Variants in PHF21A observed in about 807,000 individuals in gnomAD.
PHF21A encodes BHC80a.
A neutral mutation model predicts 82.5 loss-of-function variants in PHF21A; 11 were observed. That is an observed-to-expected ratio of 0.13 (90% CI 0.08 to 0.22). The LOEUF (loss-of-function observed/expected upper bound fraction) is 0.22, where lower values mean the gene tolerates loss of function less well. Among genes scored for constraint, PHF21A ranks in the 10% least tolerant of loss-of-function variants. PHF21A has a pLI of 1.00. For missense variants in PHF21A, 579 were observed against 837.8 expected (o/e 0.69, Z 3.81); for synonymous variants, 297 against 302.8 (o/e 0.98, Z 0.20).
intron 1 of PHF21A, among the ~76,000 whole-genome samples, chr11:46,092,759 C>CTTTTTT (rs10681499): frequency 7.4e-6 from 1 of 135,634 alleles, no homozygotes; most frequent in Non-Finnish European, 1.5e-5. Context: ...TGTGTCTCAC[C>CTTTTTT]TTTTTTTTTT....
chr11:46,116,719 T>A (rs560281590), intron 1 of PHF21A: 1 of 152,358 alleles, frequency 6.6e-6, no homozygotes, highest in South Asian at 2.1e-4. Context: ...ATCCCAGCAC[T>A]TTGGGAGGCC....
At chr11:46,073,244 C>T (rs1373337985) in intron 6 of PHF21A, among the ~76,000 whole-genome samples, 3 of 151,380 alleles carry the variant, frequency 2.0e-5, no homozygotes, top group South Asian at 2.1e-4. Context: ...GGGAGAATGG[C>T]GTGAACCCAG....
chr11:46,089,327 G>A (rs2096895099), intron 3 of PHF21A, among the ~76,000 whole-genome samples: 1 of 152,008 alleles, frequency 6.6e-6, no homozygotes, highest in African/African-American at 2.4e-5. Flanking sequence ...TTTATTAGCA[G>A]TAGTGCTAAA....
intron 9 of PHF21A, 132 bp from the exon 10 acceptor site, chr11:45,965,740 T>G (rs2093397446): frequency 1.4e-6 from 1 of 717,342 alleles, no homozygotes; most frequent in Non-Finnish European, 2.2e-6. Flanking sequence ...ACATTAATTC[T>G]ATAGACCTCA....
Position 46,090,521 on chromosome 11 carries a change from T to A in PHF21A, c.-150A>T, listed in dbSNP as rs2096911636. The A allele has an allele frequency of 6.6e-6, 1 of 152,166 alleles. No homozygotes were observed. The highest frequency in any genetic ancestry group is 2.4e-5 in the African/African-American group (1 of 41,436). 9.4% of individuals were successfully genotyped at this position (152,166 alleles called of 1,614,324 possible). ...AATGCTGCATATCATATCCCCCTCT[T>A]GGAGATTCACAATGCACATTAGCAT... On this transcript the variant is annotated 5_prime_UTR_variant, in exon 3 of 19. Coordinates refer to ENST00000676320, the MANE Select transcript of PHF21A (RefSeq NM_001352027.3).
chr11:46,069,710 T>C (rs1420036993), intron 6 of PHF21A, among the ~76,000 whole-genome samples: 2 of 152,220 alleles, frequency 1.3e-5, no homozygotes, highest in Non-Finnish European at 1.5e-5. Flanking sequence ...GTATTGAATC[T>C]CATACTGATA....
intron 6 of PHF21A, among the ~76,000 whole-genome samples, chr11:46,070,198 C>T (rs540065645): frequency 3.9e-5 from 6 of 152,062 alleles, no homozygotes; most frequent in Non-Finnish European, 8.8e-5. Flanking sequence ...TTCCCAAAAG[C>T]TTCAGAATCT....
At chr11:45,957,026 A>G (rs2092691164) in intron 10 of PHF21A, among the ~76,000 whole-genome samples, 1 of 152,230 alleles carries the variant, frequency 6.6e-6, no homozygotes, top group South Asian at 2.1e-4. Flanking sequence ...AACTGTTACG[A>G]GAGACAAAGA....
chr11:46,116,209 ACTC>A (rs2136138206), intron 1 of PHF21A, among the ~76,000 whole-genome samples: 1 of 152,254 alleles, frequency 6.6e-6, no homozygotes, highest in East Asian at 1.9e-4. Flanking sequence ...ATTTCAGTGC[ACTC>A]CTCTAGATTT....
At chr11:46,031,754 A>C (rs148727925) in intron 6 of PHF21A, among the ~76,000 whole-genome samples, 2 of 152,302 alleles carry the variant, frequency 1.3e-5, no homozygotes, top group African/African-American at 4.8e-5. Context: ...TGTCTGGAAA[A>C]GAATGCAATA....
intron 3 of PHF21A, among the ~76,000 whole-genome samples, chr11:46,089,397 CATTT>C (rs2096896384): frequency 2.0e-5 from 3 of 151,992 alleles, no homozygotes; most frequent in Admixed American, 6.5e-5. Context: ...AAAACTTTAA[CATTT>C]ATTAACATGA....
intron 6 of PHF21A, among the ~76,000 whole-genome samples, chr11:46,027,804 C>T (rs2095782110): frequency 6.6e-6 from 1 of 152,170 alleles, no homozygotes; most frequent in Admixed American, 6.5e-5. Context: ...ATCCTGTTTT[C>T]AGCATATAAT....
chr11:46,057,619 A>C (rs189578708), intron 6 of PHF21A, among the ~76,000 whole-genome samples: 25 of 152,286 alleles, frequency 1.6e-4, no homozygotes, highest in Admixed American at 5.9e-4. Context: ...ACTCAAGCTG[A>C]AATAAGTAAA....
At chr11:45,948,381 G>A (rs1323651937) in intron 14 of PHF21A, among the ~76,000 whole-genome samples, 1 of 152,130 alleles carries the variant, frequency 6.6e-6, no homozygotes, top group Non-Finnish European at 1.5e-5. Context: ...TTCTTCCTTA[G>A]TTGGAGATGC....
chr11:45,985,339 AATTACAATCTAGAGTAAAATGTATGT>A (rs2094455413), intron 6 of PHF21A, among the ~76,000 whole-genome samples: 1 of 152,254 alleles, frequency 6.6e-6, no homozygotes, highest in Admixed American at 6.5e-5. Context: ...TTAGAGACAA[AATTACAATCTAGAGTAAAATGTATGT>A]ATTGTTTAAT....
chr11:45,995,399 G>A (rs2094869717), intron 6 of PHF21A, among the ~76,000 whole-genome samples: 1 of 152,148 alleles, frequency 6.6e-6, no homozygotes, highest in Admixed American at 6.5e-5. Context: ...TAACAGGAAG[G>A]AATCATTCTT....
intron 6 of PHF21A, among the ~76,000 whole-genome samples, chr11:46,034,225 C>G (rs535841710): frequency 7.9e-5 from 12 of 151,738 alleles, no homozygotes; most frequent in East Asian, 2.0e-4. Flanking sequence ...GCCCCCACCC[C>G]CCCCTTGCAT....
chr11:46,016,572 A>C (rs1009793999), intron 6 of PHF21A, among the ~76,000 whole-genome samples: 5 of 151,906 alleles, frequency 3.3e-5, no homozygotes, highest in African/African-American at 9.7e-5. Context: ...CTAATCCCCT[A>C]CTCAGGATTA....
intron 11 of PHF21A, 133 bp downstream of exon 11, chr11:45,953,394 C>T: frequency 1.5e-6 from 1 of 663,984 alleles, no homozygotes; most frequent in Non-Finnish European, 2.8e-6. Context: ...AATAACATTG[C>T]TGAATAATAA....
Sources: allele counts gnomAD v4.1 joint callset (sites outside exome capture counted in the v4.1 genomes callset), GRCh38; gene constraint gnomAD v4.1.1; transcripts MANE v1.5; gene names NCBI Gene and HGNC (gene_info 2026-07-23, HGNC 2026-07-21).